The following CDC27 variants were observed in gnomAD, a reference collection of about 807,000 sequenced individuals.
CDC27 encodes cell division cycle 27, also known as cell division cycle protein 27 homolog.
A neutral mutation model predicts 109.7 loss-of-function variants in CDC27; 27 were observed. That is an observed-to-expected ratio of 0.25 (90% CI 0.18 to 0.34). The LOEUF (loss-of-function observed/expected upper bound fraction) is 0.34. Among genes scored for constraint, CDC27 ranks in the 10% least tolerant of loss-of-function variants. The probability of loss-of-function intolerance (pLI) is 1.00; values close to 1 mark genes in which losing one functional copy is unlikely to be tolerated. For synonymous variants in CDC27, 266 were observed against 333.9 expected, an observed-to-expected ratio of 0.80 and a Z score of 2.22; for missense variants, 579 against 960.2, an observed-to-expected ratio of 0.60 and a Z score of 5.25.
intron 4 of CDC27, among the ~76,000 whole-genome samples, chr17:47,164,867 G>C (rs1257154998): frequency 6.6e-6 from 1 of 152,040 alleles, no homozygotes; most frequent in African/African-American, 2.4e-5. Flanking sequence ...GAGCTTATTT[G>C]AATTTTAGCA....
Position 47,151,811 on chromosome 17 carries a change from T to C in CDC27, c.1065A>G (p.Gln355=), listed in dbSNP as rs200697385. 1.3e-6 allele frequency: 2 copies of C among 1,581,804 alleles called. No homozygotes were observed. Among genetic ancestry groups the C allele is most frequent in the Non-Finnish European group, 1.7e-6 (2 of 1,165,320 alleles). Residue 355 remains glutamine, a synonymous_variant, in exon 9 of 19, where the codon CAA becomes CAG. Transcript: ENST00000066544. ...ATAATTACAATGATAAATACCTTGT[T>C]TGTGGACCAGAACTTTGTGTTTGTG... ...ILAQTQSSGP[Q]TSTTPQVLSP... is the part of the protein sequence containing the mutation.
chr17:47,138,733 A>G lies in CDC27; in HGVS notation c.1704+6T>C. 2 of 1,602,600 alleles carry G rather than the reference A, an allele frequency of 1.2e-6. No individual in the cohort carries two copies. Among genetic ancestry groups the G allele is most frequent in the Non-Finnish European group, 1.7e-6 (2 of 1,173,524 alleles). The stretch of plus-strand genomic sequence containing the variant: ...CTATATAAGCAAAGTATTTTGGTTA[A>G]CATACCTCTGGCGAATTTTTATCCA... On this transcript the variant is annotated splice_donor_region_variant and intron_variant, in intron 13 of 18. Coordinates refer to ENST00000066544, the MANE Select transcript of CDC27 (RefSeq NM_001256.6).
chr17:47,137,439 C>T (rs982622631), intron 13 of CDC27, 79 bp from the exon 14 acceptor site: 7 of 785,162 alleles, frequency 8.9e-6, no homozygotes, highest in Non-Finnish European at 1.3e-5. Flanking sequence ...TAAAATCAAG[C>T]CTCAACTTAG....
At chr17:47,127,637 G>A (rs1052836654) in intron 16 of CDC27, among the ~76,000 whole-genome samples, 20 of 151,858 alleles carry the variant, frequency 1.3e-4, no homozygotes, top group Non-Finnish European at 2.1e-4. Context: ...TCCTGACCTC[G>A]TGATCTGCCC....
intron 18 of CDC27, among the ~76,000 whole-genome samples, chr17:47,121,441 GTCAA>G (rs1254020506): frequency 1.3e-5 from 2 of 152,090 alleles, no homozygotes; most frequent in Non-Finnish European, 2.9e-5. Context: ...CAGTCTATCA[GTCAA>G]TCAATCAATC....
chr17:47,158,417 G>C, intron 4 of CDC27, 114 bp from the exon 5 acceptor site: 1 of 429,200 alleles, frequency 2.3e-6, no homozygotes. Flanking sequence ...CACTCTTTGT[G>C]ATGCTTCTCT....
chr17:47,149,911 C>A (rs1245599073), intron 9 of CDC27, among the ~76,000 whole-genome samples: 1 of 152,070 alleles, frequency 6.6e-6, no homozygotes, highest in Non-Finnish European at 1.5e-5. Flanking sequence ...GCCGAGATTG[C>A]ACCATTGCAC....
chr17:47,154,865 C>T, intron 7 of CDC27, 79 bp from the exon 8 acceptor site: 2 of 693,050 alleles, frequency 2.9e-6, no homozygotes, highest in East Asian at 5.5e-5. Flanking sequence ...ATTAGAAGGT[C>T]TAAAAGGAAG....
intron 12 of CDC27, among the ~76,000 whole-genome samples, chr17:47,141,058 T>A (rs11570528): frequency 6.6e-6 from 1 of 152,312 alleles, no homozygotes; most frequent in Admixed American, 6.5e-5. Context: ...GTTGCTAGAA[T>A]GTAAGCTCCA....
intron 1 of CDC27, among the ~76,000 whole-genome samples, chr17:47,187,513 G>A (rs2064488029): frequency 6.6e-6 from 1 of 151,760 alleles, no homozygotes; most frequent in Admixed American, 6.6e-5. Flanking sequence ...TGTTGGCCAG[G>A]CAGGTCTCGA....
intron 4 of CDC27, among the ~76,000 whole-genome samples, chr17:47,168,229 T>C (rs1418310700): frequency 1.3e-5 from 2 of 152,166 alleles, no homozygotes; most frequent in Non-Finnish European, 2.9e-5. Flanking sequence ...TCTCACCTCC[T>C]GGGAGGTTGC....
intron 1 of CDC27, chr17:47,188,762 C>G (rs1023725148): frequency 2.2e-5 from 24 of 1,096,266 alleles, no homozygotes; most frequent in Non-Finnish European, 2.6e-5. Flanking sequence ...GAAGATCACA[C>G]AAGCTCCGAT....
intron 13 of CDC27, 80 bp downstream of exon 13, chr17:47,138,659 T>C: frequency 2.1e-6 from 2 of 970,144 alleles, no homozygotes; most frequent in Non-Finnish European, 3.2e-6. Context: ...TAAATAGTGT[T>C]TGAATTGCTT....
In CDC27 at chr17:47,189,182, T is replaced by G; in HGVS notation, c.-10A>C. ...CCTGCAGCACCGTCATCCTCGAGGC[T>G]CAGGCCCACTTTCTGCAGTGCCTCA... On this transcript the variant is annotated 5_prime_UTR_variant, in exon 1 of 19. It removes the in-frame stop codon of an upstream open reading frame in the 5' UTR. Coordinates refer to ENST00000066544, the MANE Select transcript of CDC27 (RefSeq NM_001256.6). 1.2e-6 allele frequency: 2 copies of G among 1,610,876 alleles called. No homozygotes were observed.
chr17:47,145,079 C>T (rs1186697183), intron 9 of CDC27, among the ~76,000 whole-genome samples: 6 of 152,280 alleles, frequency 3.9e-5, no homozygotes, highest in Admixed American at 6.5e-5. Flanking sequence ...AACAGACTTC[C>T]GCTAGTCATG....
intron 1 of CDC27, among the ~76,000 whole-genome samples, chr17:47,185,441 C>G (rs551538634): frequency 7.9e-5 from 12 of 152,242 alleles, no homozygotes; most frequent in East Asian, 5.8e-4. Context: ...CCTCAGCCCC[C>G]CAAAGTGCTG....
chr17:47,145,392 C>T (rs1361570935), intron 9 of CDC27, among the ~76,000 whole-genome samples: 1 of 152,140 alleles, frequency 6.6e-6, no homozygotes, highest in Admixed American at 6.5e-5. Flanking sequence ...CTAGAGTCTT[C>T]AGTTGAAAAT....
chr17:47,154,849 A>G (rs1372072129), intron 7 of CDC27, 63 bp from the exon 8 acceptor site: 1 of 769,252 alleles, frequency 1.3e-6, no homozygotes, highest in African/African-American at 1.7e-5. Flanking sequence ...GCAGCAGTAT[A>G]CTTAAATTAG....
intron 9 of CDC27, among the ~76,000 whole-genome samples, chr17:47,150,344 T>A (rs2063116770): frequency 6.6e-6 from 1 of 152,204 alleles, no homozygotes; most frequent in Non-Finnish European, 1.5e-5. Flanking sequence ...TTTTTGCAGA[T>A]GTCATTGAGT....
Sources: gnomAD v4.1 joint callset for allele counts (sites outside exome capture counted in the v4.1 genomes callset) on GRCh38, gnomAD v4.1.1 for gene constraint, MANE v1.5 for transcripts, NCBI Gene and HGNC (gene_info 2026-07-23, HGNC 2026-07-21) for gene names.